EFNA5: variants seen among roughly 807,000 people sequenced by gnomAD.
EFNA5 encodes ephrin A5, also known as ephrin-A5.
Under a neutral mutation model 22.9 loss-of-function variants are expected in EFNA5, and 5 were observed. The observed-to-expected ratio is 0.22, with a 90% CI of 0.11 to 0.46. The LOEUF is 0.46. EFNA5 is among the 20% of genes least tolerant of loss of function. The pLI is 0.99. For synonymous variants in EFNA5, 113 were observed against 112.2 expected (o/e 1.01, Z -0.04); for missense variants, 237 against 293.3 (o/e 0.81, Z 1.40).
intron 1 of EFNA5, among the ~76,000 whole-genome samples, chr5:107,497,132 C>T (rs1252242069): frequency 6.6e-6 from 1 of 152,184 alleles, no homozygotes; most frequent in Non-Finnish European, 1.5e-5. Flanking sequence ...GTATCGCGAG[C>T]AAAGCATTAG....
chr5:107,543,681 A>C (rs1300441631), intron 1 of EFNA5, among the ~76,000 whole-genome samples: 1 of 151,356 alleles, frequency 6.6e-6, no homozygotes, highest in African/African-American at 2.4e-5. Flanking sequence ...TGCTGCTCAC[A>C]AAGTGGTGAA....
chr5:107,462,370 A>G (rs989220057), intron 1 of EFNA5, among the ~76,000 whole-genome samples: 4 of 152,202 alleles, frequency 2.6e-5, no homozygotes, highest in Non-Finnish European at 5.9e-5. Context: ...CTTTTATTTG[A>G]TGTCAACAAC....
At chr5:107,547,989 G>T (rs894234091) in intron 1 of EFNA5, among the ~76,000 whole-genome samples, 3 of 152,084 alleles carry the variant, frequency 2.0e-5, no homozygotes, top group African/African-American at 7.2e-5. Context: ...TTCCTAAGAA[G>T]GTCTATATAA....
At chr5:107,518,149 A>G (rs1396806874) in intron 1 of EFNA5, among the ~76,000 whole-genome samples, 3 of 152,122 alleles carry the variant, frequency 2.0e-5, no homozygotes, top group Non-Finnish European at 4.4e-5. Flanking sequence ...AGGAAAGACT[A>G]TGTTTGACAT....
rs559024092 is a variant in EFNA5 at position 107,525,608 on chromosome 5, AG to A, written c.126-98100del. On this transcript the variant is annotated intron_variant, in intron 1 of 4. Transcript: ENST00000333274. ...ATGCTAGAGAAAGGAAAACATTATT[AG>A]GAAAATCATAAGGAAGAGAAAATAT... is the stretch of plus-strand genomic sequence containing the variant. Among the ~76,000 whole-genome samples, 60 of 152,328 alleles carry A rather than the reference AG, an allele frequency of 3.9e-4. No individual in the cohort carries two copies. In the East Asian group the frequency reaches 0.011, roughly 27 times the overall value.
intron 1 of EFNA5, among the ~76,000 whole-genome samples, chr5:107,580,744 A>G (rs1424718085): frequency 6.8e-6 from 1 of 146,158 alleles, no homozygotes; most frequent in East Asian, 1.9e-4. Context: ...AAAAAAAGAA[A>G]AGAAAAGAAA....
chr5:107,480,377 T>C (rs892024476), intron 1 of EFNA5, among the ~76,000 whole-genome samples: 1 of 152,242 alleles, frequency 6.6e-6, no homozygotes, highest in South Asian at 2.1e-4. Context: ...GGTACAAAGA[T>C]GTATCAAAGA....
At chr5:107,594,326 A>G (rs569272386) in intron 1 of EFNA5, among the ~76,000 whole-genome samples, 1 of 152,282 alleles carries the variant, frequency 6.6e-6, no homozygotes, top group Admixed American at 6.5e-5. Flanking sequence ...CCAGGCTCAT[A>G]ATGAGGGGTA....
chr5:107,610,546 G>A (rs1029991897), intron 1 of EFNA5, among the ~76,000 whole-genome samples: 1 of 152,142 alleles, frequency 6.6e-6, no homozygotes, highest in Non-Finnish European at 1.5e-5. Flanking sequence ...ACTACTTGGG[G>A]CCACTCTATT....
chr5:107,386,841 C>T (rs1747638183), intron 4 of EFNA5, among the ~76,000 whole-genome samples: 1 of 152,122 alleles, frequency 6.6e-6, no homozygotes, highest in African/African-American at 2.4e-5. Flanking sequence ...CAGATTTGGA[C>T]ATAAAAAATA....
intron 1 of EFNA5, among the ~76,000 whole-genome samples, chr5:107,556,785 T>TAAATAAATAAATAAATA (rs1554066388): frequency 2.8e-5 from 4 of 141,678 alleles, no homozygotes; most frequent in Admixed American, 7.0e-5. Flanking sequence ...AATAAATAAA[T>TAAATAAATAAATAAATA]AAATAAAATA....
chr5:107,664,055 T>G (rs1751021350), intron 1 of EFNA5, among the ~76,000 whole-genome samples: 1 of 152,182 alleles, frequency 6.6e-6, no homozygotes, highest in African/African-American at 2.4e-5. Context: ...TTCAATATTT[T>G]AAAATAATGT....
In EFNA5 at chr5:107,466,980, C is replaced by G. The variant is rs912752063; in HGVS notation, c.126-39471G>C. 2.0e-5 allele frequency among the ~76,000 whole-genome samples: 3 copies of G among 152,132 alleles called. No individual in the cohort carries two copies. In the South Asian group the frequency reaches 6.2e-4, roughly 32 times the overall value. ...TTTTATTCTTCCACAGCTCAGATTTCAAGCCTATCTTCATTGATGGAGCCT... is the reference window on the plus strand; with the variant it reads ...TTTTATTCTTCCACAGCTCAGATTTGAAGCCTATCTTCATTGATGGAGCCT... On this transcript the variant is annotated intron_variant, in intron 1 of 4. Transcript: ENST00000333274.
chr5:107,604,009 T>C (rs1749658802), intron 1 of EFNA5, among the ~76,000 whole-genome samples: 2 of 152,202 alleles, frequency 1.3e-5, no homozygotes, highest in South Asian at 2.1e-4. Context: ...AAGGTAATTT[T>C]GTAAGGACTA....
chr5:107,578,552 T>G (rs1005302345), intron 1 of EFNA5, among the ~76,000 whole-genome samples: 12 of 152,214 alleles, frequency 7.9e-5, no homozygotes, highest in Admixed American at 7.8e-4. Context: ...CTGAGTGTTC[T>G]AAAAATTGTA....
chr5:107,670,369 C>T lies in EFNA5; in HGVS notation c.125+120G>A, dbSNP rs574653958. On this transcript the variant is annotated intron_variant, in intron 1 of 4. Transcript: ENST00000333274. ...ACGCCTCAAGCCATCAGCGCCCGGG[C>T]GACGCAGGCTCCGAGGGTGCGCGCC... is the stretch of plus-strand genomic sequence containing the variant. The T allele has an allele frequency of 8.7e-5, 113 of 1,293,256 alleles. No homozygotes were observed. The Middle Eastern group carries it at 1.4e-3, about 16-fold the overall frequency. The allele number at this position is 1,293,256 out of a possible 1,614,324, so 80.1% of individuals were successfully genotyped here. A position where few individuals can be genotyped will look rare whatever the true frequency, so the allele number is the denominator to read the frequency against.
intron 1 of EFNA5, among the ~76,000 whole-genome samples, chr5:107,653,336 C>T (rs1015529117): frequency 6.6e-6 from 1 of 152,090 alleles, no homozygotes; most frequent in Non-Finnish European, 1.5e-5. Context: ...AGTGTAAGCT[C>T]CAGCTGGCTT....
At chr5:107,450,308 C>A (rs1749525742) in intron 1 of EFNA5, among the ~76,000 whole-genome samples, 1 of 152,266 alleles carries the variant, frequency 6.6e-6, no homozygotes, top group East Asian at 1.9e-4. Flanking sequence ...TAGATGACAG[C>A]AAAATCTTCA....
intron 1 of EFNA5, among the ~76,000 whole-genome samples, chr5:107,555,854 A>G (rs1227071785): frequency 6.6e-6 from 1 of 152,222 alleles, no homozygotes; most frequent in Non-Finnish European, 1.5e-5. Context: ...AGAAGGCTGA[A>G]AAAGCAGGAT....
Sources: allele counts gnomAD v4.1 joint callset (sites outside exome capture counted in the v4.1 genomes callset), GRCh38; gene constraint gnomAD v4.1.1; transcripts MANE v1.5; gene names NCBI Gene and HGNC (gene_info 2026-07-23, HGNC 2026-07-21).